The following SMG9 variants were observed in gnomAD, a reference collection of about 807,000 sequenced individuals.
SMG9 encodes nonsense-mediated mRNA decay factor SMG9.
Under a neutral mutation model 64.0 loss-of-function variants are expected in SMG9, and 55 were observed. That is an observed-to-expected ratio of 0.86 (90% confidence interval 0.69 to 1.08). The LOEUF (loss-of-function observed/expected upper bound fraction) is 1.08. Among genes scored for constraint, SMG9 ranks in the 50% least tolerant of loss-of-function variants. The pLI is 0.00. For missense variants in SMG9, 554 were observed against 681.3 expected, an observed-to-expected ratio of 0.81 and a Z score of 2.08; for synonymous variants, 244 against 254.8, an observed-to-expected ratio of 0.96 and a Z score of 0.41.
At chr19:43,750,334 C>T in intron 2 of SMG9, 1 of 662,818 alleles carries the variant, frequency 1.5e-6, no homozygotes, top group African/African-American at 1.8e-5. Context: ...GTCTGGAATG[C>T]TCTTCATCTC....
At chr19:43,739,881 A>G (rs1968791117) in intron 7 of SMG9, 6 of 557,164 alleles carry the variant, frequency 1.1e-5, no homozygotes, top group Admixed American at 3.1e-5. Context: ...TCAGCACTAT[A>G]CTAGAAATCC....
In SMG9 at chr19:43,729,716, C is replaced by G. The variant is rs1198692508; in HGVS notation, c.*1880G>C. ...ACTTGGGGCAGACATTTTGACAAGG[C>G]AGGGAAGAGCTGGGTTATCTAGCTG... On this transcript the variant is annotated 3_prime_UTR_variant, in exon 14 of 14. Coordinates refer to ENST00000270066, the MANE Select transcript of SMG9 (RefSeq NM_019108.4). The G allele has an allele frequency of 6.6e-6, 1 of 152,448 alleles. No individual in the cohort carries two copies. Among genetic ancestry groups the G allele is most frequent in the Non-Finnish European group, 1.5e-5 (1 of 68,278 alleles). 9.4% of individuals were successfully genotyped at this position (152,448 alleles called of 1,614,324 possible). A position where few individuals can be genotyped will look rare whatever the true frequency, so the allele number is the denominator to read the frequency against.
intron 9 of SMG9, among the ~76,000 whole-genome samples, chr19:43,736,085 C>T (rs568439922): frequency 7.6e-4 from 116 of 152,308 alleles, no homozygotes; most frequent in Admixed American, 2.2e-3. Context: ...CAACCAACTC[C>T]CCAGCAAGCC....
intron 8 of SMG9, 41 bp downstream of exon 8, chr19:43,738,081 G>A: frequency 6.4e-7 from 1 of 1,565,332 alleles, no homozygotes; most frequent in Non-Finnish European, 8.8e-7. Context: ...TGGGGGTGGG[G>A]ATGTAAAACC....
chr19:43,743,467 C>T, intron 6 of SMG9, among the ~76,000 whole-genome samples: 1 of 152,174 alleles, frequency 6.6e-6, no homozygotes, highest in East Asian at 1.9e-4. Flanking sequence ...GGGACCTTTT[C>T]CCTAGAAGAA....
rs1968412122 is a variant in SMG9 at position 43,729,732 on chromosome 19, T to C, written c.*1864A>G. 1 of 152,440 alleles carries C rather than the reference T, an allele frequency of 6.6e-6. No homozygotes were observed. The highest frequency in any genetic ancestry group is 1.5e-5 in the Non-Finnish European group (1 of 68,232). 9.4% of individuals were successfully genotyped at this position (152,440 alleles called of 1,614,324 possible). A position where few individuals can be genotyped will look rare whatever the true frequency, so the allele number is the denominator to read the frequency against. The stretch of plus-strand genomic sequence containing the variant: ...TTGACAAGGCAGGGAAGAGCTGGGT[T>C]ATCTAGCTGGAGAGGATGGTCAGGA... On this transcript the variant is annotated 3_prime_UTR_variant, in exon 14 of 14. Coordinates refer to ENST00000270066, the MANE Select transcript of SMG9 (RefSeq NM_019108.4).
chr19:43,753,574 C>T (rs1425231563), intron 1 of SMG9, among the ~76,000 whole-genome samples: 1 of 151,068 alleles, frequency 6.6e-6, no homozygotes, highest in Non-Finnish European at 1.5e-5. Flanking sequence ...AATTCTCCTG[C>T]CTCAGCCTCC....
At position 43,728,622 on chromosome 19, in the gene SMG9, T is replaced by C. The variant is rs1289794228; in HGVS notation, c.*2974A>G. 1 of 152,242 alleles carries C rather than the reference T, an allele frequency of 6.6e-6. No homozygotes were observed. The highest frequency in any genetic ancestry group is 6.5e-5 in the Admixed American group (1 of 15,284). The allele number at this position is 152,242 out of a possible 1,614,324, so 9.4% of individuals were successfully genotyped here. On this transcript the variant is annotated 3_prime_UTR_variant, in exon 14 of 14. Coordinates refer to ENST00000270066, the MANE Select transcript of SMG9 (RefSeq NM_019108.4). ...CACCTTATTTTGCAGACAAAACAGA[T>C]GCCCAGCAAGCTTTAGCAACTTGTC...
At chr19:43,751,603 T>C (rs1969193961) in intron 1 of SMG9, among the ~76,000 whole-genome samples, 1 of 152,370 alleles carries the variant, frequency 6.6e-6, no homozygotes, top group South Asian at 2.1e-4. Context: ...GGTGTGGCCA[T>C]GTGAGTAAGT....
At chr19:43,733,820 C>A (rs1468590450) in intron 10 of SMG9, 87 bp from the exon 11 acceptor site, 10 of 901,994 alleles carry the variant, frequency 1.1e-5, no homozygotes, top group African/African-American at 3.3e-5. Flanking sequence ...CCTGTTGTTA[C>A]CCCTGAGTTC....
chr19:43,739,348 A>T (rs566454612), intron 7 of SMG9, among the ~76,000 whole-genome samples: 24 of 152,344 alleles, frequency 1.6e-4, no homozygotes, highest in Non-Finnish European at 2.5e-4. Context: ...CAAAACCCCT[A>T]TGAGGCAGGC....
At chr19:43,746,623 ATCTGAGCAGGGG>A (rs71996898) in intron 5 of SMG9, among the ~76,000 whole-genome samples, 7,968 of 152,088 alleles carry the variant, frequency 0.052, 309 homozygotes, top group African/African-American at 0.11. Context: ...CTCTGGGACA[ATCTGAGCAGGGG>A]TGTGACAGGT....
At chr19:43,745,281 C>G (rs1004444496) in intron 5 of SMG9, among the ~76,000 whole-genome samples, 1 of 152,192 alleles carries the variant, frequency 6.6e-6, no homozygotes, top group Non-Finnish European at 1.5e-5. Context: ...GGCACAGATT[C>G]CTGGCAAACC....
chr19:43,733,620 C>T lies in SMG9; in HGVS notation c.1210+6G>A. 1.2e-6 allele frequency: 2 copies of T among 1,613,890 alleles called. No homozygotes were observed. The highest frequency in any genetic ancestry group is 1.7e-6 in the Non-Finnish European group (2 of 1,179,862). ...CTAGCTTGGGGGGTGATGTGGGAAC[C>T]CTTACCCTTGTAACGCAGGTGGGAG... On this transcript the variant is annotated splice_donor_region_variant and intron_variant, in intron 11 of 13. Coordinates refer to ENST00000270066, the MANE Select transcript of SMG9 (RefSeq NM_019108.4).
At position 43,731,079 on chromosome 19, in the gene SMG9, G is replaced by C; in HGVS notation, c.*517C>G. On this transcript the variant is annotated 3_prime_UTR_variant, in exon 14 of 14. Coordinates refer to ENST00000270066, the MANE Select transcript of SMG9 (RefSeq NM_019108.4). ...AGACTGATCTCCATCTGCCCGCAAGGGCTGGGTGTCCAATTTGTCCTGCTT... is the reference window on the plus strand; with the variant it reads ...AGACTGATCTCCATCTGCCCGCAAGCGCTGGGTGTCCAATTTGTCCTGCTT... 1.0e-6 allele frequency: 1 copy of C among 979,766 alleles called. No homozygotes were observed. Among genetic ancestry groups the C allele is most frequent in the Non-Finnish European group, 1.2e-6 (1 of 824,668 alleles). 60.7% of individuals were successfully genotyped at this position (979,766 alleles called of 1,614,324 possible). A position where few individuals can be genotyped will look rare whatever the true frequency, so the allele number is the denominator to read the frequency against.
intron 9 of SMG9, among the ~76,000 whole-genome samples, chr19:43,736,282 G>A (rs1201079610): frequency 6.6e-6 from 1 of 152,220 alleles, no homozygotes; most frequent in African/African-American, 2.4e-5. Flanking sequence ...ACAGACACAT[G>A]CCCAGTAAGA....
At chr19:43,733,171 G>T in intron 12 of SMG9, 153 bp downstream of exon 12, 1 of 1,349,654 alleles carries the variant, frequency 7.4e-7, no homozygotes. Context: ...ACACACCCCA[G>T]GAACAAACCA....
At chr19:43,735,620 A>G (rs1600193284) in intron 9 of SMG9, among the ~76,000 whole-genome samples, 1 of 150,598 alleles carries the variant, frequency 6.6e-6, no homozygotes, top group South Asian at 2.1e-4. Flanking sequence ...GTCTCAAAAA[A>G]AAAAAAAAAA....
At chr19:43,753,969 G>A (rs776158355) in intron 1 of SMG9, among the ~76,000 whole-genome samples, 1 of 151,318 alleles carries the variant, frequency 6.6e-6, no homozygotes, top group Non-Finnish European at 1.5e-5. Flanking sequence ...TTCCAATGCT[G>A]TTTCCGGGCT....
Sources: gnomAD v4.1 joint callset for allele counts (sites outside exome capture counted in the v4.1 genomes callset) on GRCh38, gnomAD v4.1.1 for gene constraint, MANE v1.5 for transcripts, NCBI Gene and HGNC (gene_info 2026-07-23, HGNC 2026-07-21) for gene names.